Variants in NEMF observed in about 807,000 individuals in gnomAD.
NEMF encodes ribosome quality control complex subunit NEMF.
A neutral mutation model predicts 162.2 loss-of-function variants in NEMF; 89 were observed. The ratio of observed to expected loss-of-function variants is 0.55; its 90% CI spans 0.46 to 0.65. The LOEUF (loss-of-function observed/expected upper bound fraction) is 0.65. Among genes scored for constraint, NEMF ranks in the 30% least tolerant of loss-of-function variants. The pLI is 0.00. For synonymous variants in NEMF, 421 were observed against 404.5 expected, an observed-to-expected ratio of 1.04 and a Z score of -0.49; for missense variants, 1,133 against 1,261.9, an observed-to-expected ratio of 0.90 and a Z score of 1.55.
Position 49,844,745 on chromosome 14 carries a change from A to ACACACG in NEMF, c.357+1394_357+1395insCGTGTG. 2 of 189,856 alleles carry ACACACG rather than the reference A, an allele frequency of 1.1e-5. 1 individual carries two copies. The highest frequency in any genetic ancestry group is 8.3e-5 in the South Asian group (2 of 24,056). 11.8% of individuals were successfully genotyped at this position (189,856 alleles called of 1,614,324 possible). A position where few individuals can be genotyped will look rare whatever the true frequency, so the allele number is the denominator to read the frequency against. On this transcript the variant is annotated intron_variant, in intron 4 of 32. Transcript: ENST00000298310. ...CGCACGCGCACGCGCGCGCACACAC[A>ACACACG]CACACACACACACACACACATATAT...
rs1194443530 is a variant in NEMF, at chr14:49,784,604, C to G, written c.*32G>C. 1 of 1,492,566 alleles carries G rather than the reference C, an allele frequency of 6.7e-7. No homozygotes were observed. Among genetic ancestry groups the G allele is most frequent in the Admixed American group, 1.8e-5 (1 of 56,292 alleles). 92.5% of individuals were successfully genotyped at this position (1,492,566 alleles called of 1,614,324 possible). ...AACTTCCAAAAGGCTATAAAATTGG[C>G]TCTTCTCAAATATTTTAGAATTTCA... On this transcript the variant is annotated 3_prime_UTR_variant, in exon 33 of 33. Transcript: ENST00000298310.
At position 49,833,512 on chromosome 14, in the gene NEMF, A is replaced by C. The variant is rs200062011; in HGVS notation, c.662-16T>G. 6.6e-7 allele frequency: 1 copy of C among 1,517,778 alleles called. No individual in the cohort carries two copies. The highest frequency in any genetic ancestry group is 1.4e-5 in the African/African-American group (1 of 72,486). 94.0% of individuals were successfully genotyped at this position (1,517,778 alleles called of 1,614,324 possible). A position where few individuals can be genotyped will look rare whatever the true frequency, so the allele number is the denominator to read the frequency against. On this transcript the variant is annotated splice_polypyrimidine_tract_variant and intron_variant, in intron 7 of 32. Transcript: ENST00000298310. ...TTTTCAATATCTAATGGTGGGGGAA[A>C]AAAAGGAAAAAAGGAGTGCCAATCA...
chr14:49,792,849 C>T (rs1193676483), intron 26 of NEMF, among the ~76,000 whole-genome samples: 4 of 152,042 alleles, frequency 2.6e-5, no homozygotes, highest in African/African-American at 9.7e-5. Context: ...GACATGGTGG[C>T]ACATGCCTGT....
intron 18 of NEMF, among the ~76,000 whole-genome samples, chr14:49,810,560 A>T (rs890149896): frequency 1.2e-4 from 18 of 152,272 alleles, no homozygotes; most frequent in Non-Finnish European, 2.2e-4. Context: ...TACTCTGTAG[A>T]AAGCTTTAAA....
intron 26 of NEMF, among the ~76,000 whole-genome samples, chr14:49,790,205 A>C (rs1890375928): frequency 6.6e-6 from 1 of 152,238 alleles, no homozygotes; most frequent in African/African-American, 2.4e-5. Context: ...AGACTCAATT[A>C]GAATTTAAAA....
chr14:49,822,335 T>TAA (rs1228746886), intron 16 of NEMF, among the ~76,000 whole-genome samples: 1 of 118,916 alleles, frequency 8.4e-6, no homozygotes, highest in Admixed American at 8.4e-5. Context: ...CACATTTTAA[T>TAA]AAAAAAAAAA....
chr14:49,788,305 G>GAGGTACATA, intron 28 of NEMF, among the ~76,000 whole-genome samples: 1 of 128,066 alleles, frequency 7.8e-6, no homozygotes, highest in Admixed American at 8.2e-5. Context: ...AATTCAAGAA[G>GAGGTACATA]AGGTACATAT....
chr14:49,810,824 C>A (rs749090521), intron 18 of NEMF, among the ~76,000 whole-genome samples: 1 of 152,144 alleles, frequency 6.6e-6, no homozygotes, highest in Non-Finnish European at 1.5e-5. Context: ...AACCTCATCT[C>A]TACAAAAAAC....
intron 5 of NEMF, 126 bp from the exon 6 acceptor site, chr14:49,838,332 A>C (rs1471315658): frequency 2.8e-6 from 2 of 712,650 alleles, no homozygotes; most frequent in East Asian, 5.2e-5. Context: ...CGTAACAGGA[A>C]TTCATTCTTC....
intron 16 of NEMF, among the ~76,000 whole-genome samples, chr14:49,815,111 C>T: frequency 6.6e-6 from 1 of 152,162 alleles, no homozygotes; most frequent in Non-Finnish European, 1.5e-5. Context: ...CCTTCTTAAA[C>T]TCAACTTCTA....
At position 49,782,610 on chromosome 14, in the gene NEMF, C is replaced by G. The variant is rs916389956; in HGVS notation, c.*2026G>C. The G allele has an allele frequency of 1.3e-6, 2 of 1,578,422 alleles. No homozygotes were observed. The highest frequency in any genetic ancestry group is 1.7e-6 in the Non-Finnish European group (2 of 1,155,524). On this transcript the variant is annotated 3_prime_UTR_variant, in exon 33 of 33. Transcript: ENST00000298310. ...CTCTTGTACGGTAAGTAACTTTGTA[C>G]TTGGCACTTAGATTATTTAAAATTG...
intron 16 of NEMF, among the ~76,000 whole-genome samples, chr14:49,824,655 C>T (rs1892251838): frequency 6.6e-6 from 1 of 151,480 alleles, no homozygotes; most frequent in East Asian, 1.9e-4. Context: ...TCTCGAACTC[C>T]AGAGGTCAAG....
intron 16 of NEMF, 41 bp from the exon 17 acceptor site, chr14:49,814,898 C>T: frequency 8.8e-7 from 1 of 1,135,740 alleles, no homozygotes; most frequent in East Asian, 2.4e-5. Context: ...TTCTTTATAG[C>T]TGCCTGAATT....
chr14:49,808,219 C>T (rs1392413281), intron 18 of NEMF, among the ~76,000 whole-genome samples: 2 of 152,112 alleles, frequency 1.3e-5, no homozygotes, highest in Non-Finnish European at 2.9e-5. Flanking sequence ...ATTGCCCAGG[C>T]TGGAGTGCAA....
At position 49,831,371 on chromosome 14, in the gene NEMF, AAAAC is replaced by A; in HGVS notation, c.883-14_883-11del. On this transcript the variant is annotated splice_polypyrimidine_tract_variant and intron_variant, in intron 10 of 32. Coordinates refer to ENST00000298310, the MANE Select transcript of NEMF (RefSeq NM_004713.6). ...AAAATTCATCCACCGCCTTATTAAAAAAACAAACAACTAGTTGGAAAAAAAAGCA... is the reference window on the plus strand; with the variant it reads ...AAAATTCATCCACCGCCTTATTAAAAAAACAACTAGTTGGAAAAAAAAGCA... 6.4e-7 allele frequency: 1 copy of A among 1,566,256 alleles called. No homozygotes were observed. The highest frequency in any genetic ancestry group is 8.8e-7 in the Non-Finnish European group (1 of 1,138,782).
chr14:49,842,679 A>T lies in NEMF; in HGVS notation c.358-1813T>A, dbSNP rs139624152. Among the ~76,000 whole-genome samples, 9 of 152,342 alleles carry T rather than the reference A, an allele frequency of 5.9e-5. No homozygotes were observed. The East Asian group carries it at 1.7e-3, about 29-fold the overall frequency. On this transcript the variant is annotated intron_variant, in intron 4 of 32. Transcript: ENST00000298310. ...TGTAGCCACCATTTACGTTGGTTAG[A>T]GAGATAGATAACCAGAAATTACTAA...
intron 4 of NEMF, among the ~76,000 whole-genome samples, chr14:49,844,444 C>T (rs577222755): frequency 3.9e-5 from 6 of 152,074 alleles, no homozygotes; most frequent in Non-Finnish European, 8.8e-5. Flanking sequence ...GTCTGCGGCA[C>T]AGGGGTTGAA....
In NEMF at chr14:49,795,950, TAAAAAAGAC is replaced by T. The variant is rs1566654943; in HGVS notation, c.2466-15_2466-7del. 6.3e-7 allele frequency: 1 copy of T among 1,581,336 alleles called. No homozygotes were observed. Among genetic ancestry groups the T allele is most frequent in the Non-Finnish European group, 8.5e-7 (1 of 1,169,970 alleles). ...GTTTTTTCTTTTTCATTTCCCTGAA[TAAAAAAGAC>T]ATGAAAACATTTCATTCTTAGAATT... On this transcript the variant is annotated splice_region_variant and splice_polypyrimidine_tract_variant and intron_variant, in intron 25 of 32. Transcript: ENST00000298310.
chr14:49,815,723 G>A (rs995169535), intron 16 of NEMF, among the ~76,000 whole-genome samples: 23 of 152,206 alleles, frequency 1.5e-4, no homozygotes, highest in African/African-American at 4.1e-4. Flanking sequence ...CCAGCACTTC[G>A]AGAGGCCAAG....
Sources: allele counts gnomAD v4.1 joint callset (sites outside exome capture counted in the v4.1 genomes callset), GRCh38; gene constraint gnomAD v4.1.1; transcripts MANE v1.5; gene names NCBI Gene and HGNC (gene_info 2026-07-23, HGNC 2026-07-21).